The following RGS3 variants were observed in gnomAD, a reference collection of about 807,000 sequenced individuals.
RGS3 encodes regulator of G protein signaling 3, also known as regulator of G-protein signalling 3.
A neutral mutation model predicts 132.6 loss-of-function variants in RGS3; 80 were observed. The ratio of observed to expected loss-of-function variants is 0.60; its 90% CI spans 0.50 to 0.73. The LOEUF (loss-of-function observed/expected upper bound fraction) is 0.73. Ranked by LOEUF, RGS3 falls within the 30% of genes least tolerant of loss-of-function variation. The pLI is 0.00. For missense variants in RGS3, 1,382 were observed against 1,530.8 expected (o/e 0.90, Z 1.62); for synonymous variants, 598 against 620.6 (o/e 0.96, Z 0.54).
At chr9:113,561,586 A>ATTTT (rs1181886025) in intron 19 of RGS3, among the ~76,000 whole-genome samples, 3,600 of 133,220 alleles carry the variant, frequency 0.027, 149 homozygotes, top group African/African-American at 0.092. Context: ...CTAATTTTTA[A>ATTTT]TTTTTTTTTT....
intron 7 of RGS3, among the ~76,000 whole-genome samples, chr9:113,494,658 A>C (rs1374181739): frequency 6.6e-6 from 1 of 152,002 alleles, no homozygotes; most frequent in Non-Finnish European, 1.5e-5. Context: ...TGCTATTTTA[A>C]AAATTTTTTG....
At chr9:113,497,953 C>T (rs1830739699) in intron 9 of RGS3, 72 bp from the exon 8 acceptor site, 5 of 1,517,934 alleles carry the variant, frequency 3.3e-6, no homozygotes, top group South Asian at 2.2e-5. Flanking sequence ...CAGTGCTGTC[C>T]TCTGGGTGGT....
At chr9:113,529,066 C>G (rs1311843388) in intron 17 of RGS3, among the ~76,000 whole-genome samples, 155 bp from the exon 16 acceptor site, 2 of 152,264 alleles carry the variant, frequency 1.3e-5, no homozygotes, top group Non-Finnish European at 2.9e-5. Context: ...GCCAATTTTC[C>G]TCCAGAGACT....
At chr9:113,584,867 C>T (rs760515565) in intron 20 of RGS3, among the ~76,000 whole-genome samples, 24 of 152,282 alleles carry the variant, frequency 1.6e-4, no homozygotes, top group Non-Finnish European at 3.4e-4. Flanking sequence ...ACTCTCACAA[C>T]AGCCCTTTGA....
chr9:113,474,737 G>T (rs1829938514), intron 3 of RGS3, among the ~76,000 whole-genome samples: 1 of 152,204 alleles, frequency 6.6e-6, no homozygotes, highest in Non-Finnish European at 1.5e-5. Flanking sequence ...TAAATGGGCA[G>T]CGGCTTCTGG....
intron 1 of RGS3, among the ~76,000 whole-genome samples, chr9:113,448,906 G>A (rs2119137811): frequency 6.6e-6 from 1 of 152,212 alleles, no homozygotes; most frequent in East Asian, 1.9e-4. Flanking sequence ...GGCAAGTGAA[G>A]ATGTTTGTGG....
intron 3 of RGS3, among the ~76,000 whole-genome samples, chr9:113,466,136 A>G (rs945967570): frequency 3.3e-5 from 5 of 152,254 alleles, no homozygotes; most frequent in African/African-American, 1.2e-4. Context: ...AAGAAGCCAT[A>G]GAGCGTTCAG....
At chr9:113,594,026 G>C (rs1835593362) in intron 21 of RGS3, 3 of 1,613,028 alleles carry the variant, frequency 1.9e-6, no homozygotes, top group Middle Eastern at 3.3e-4. Context: ...CTCCCTCTCA[G>C]GGTTGGCCAG....
At chr9:113,576,353 G>A (rs1483598635) in intron 19 of RGS3, among the ~76,000 whole-genome samples, 1 of 130,014 alleles carries the variant, frequency 7.7e-6, no homozygotes, top group Admixed American at 7.3e-5. Context: ...TTTTTTTTGA[G>A]ACAGAGTCTT....
At chr9:113,561,515 C>T (rs1588252465) in intron 19 of RGS3, among the ~76,000 whole-genome samples, 3 of 151,736 alleles carry the variant, frequency 2.0e-5, no homozygotes, top group South Asian at 2.1e-4. Flanking sequence ...TGGGCTCAAG[C>T]GATCCTCCCA....
chr9:113,583,809 C>G, exon 20 of RGS3: 1 of 1,614,136 alleles, frequency 6.2e-7, no homozygotes, highest in Non-Finnish European at 8.5e-7. Flanking sequence ...TCACCAAAGA[C>G]CTCCCTGCCA....
intron 17 of RGS3, among the ~76,000 whole-genome samples, chr9:113,523,589 G>T (rs532780385): frequency 6.6e-6 from 1 of 152,154 alleles, no homozygotes; most frequent in African/African-American, 2.4e-5. Context: ...AGCCCAAGCC[G>T]CTGGGGCTCA....
chr9:113,519,496 C>G (rs552050438), intron 16 of RGS3, among the ~76,000 whole-genome samples: 2 of 133,492 alleles, frequency 1.5e-5, no homozygotes, highest in South Asian at 4.9e-4. Flanking sequence ...GGCATCCTGT[C>G]ATATTACTCA....
intron 3 of RGS3, among the ~76,000 whole-genome samples, chr9:113,475,563 G>C (rs1162379303): frequency 2.0e-5 from 3 of 151,974 alleles, no homozygotes; most frequent in African/African-American, 7.3e-5. Flanking sequence ...GCACCACGGT[G>C]CCCGGCTATT....
chr9:113,594,710 G>A (rs1342364442), intron 22 of RGS3, among the ~76,000 whole-genome samples, 179 bp downstream of exon 20: 3 of 152,048 alleles, frequency 2.0e-5, no homozygotes, highest in Admixed American at 6.5e-5. Flanking sequence ...GGGAGCAGCT[G>A]CCCTAGGGGG....
chr9:113,459,763 G>A (rs922273872), upstream of RGS3, among the ~76,000 whole-genome samples: 3 of 151,992 alleles, frequency 2.0e-5, no homozygotes, highest in Non-Finnish European at 4.4e-5. Flanking sequence ...AAGAGGCCGG[G>A]CTCAGTGGCT....
intron 19 of RGS3, chr9:113,582,174 C>T: frequency 1.0e-6 from 1 of 985,448 alleles, no homozygotes; most frequent in South Asian, 4.7e-5. Flanking sequence ...TTACAGACTC[C>T]CCAGGGCTTC....
intron 8 of RGS3, 133 bp downstream of exon 6, chr9:113,495,979 G>A (rs886647589): frequency 1.2e-6 from 1 of 809,064 alleles, no homozygotes; most frequent in South Asian, 1.4e-5. Flanking sequence ...GTGCCCTGTG[G>A]GGTGGCCTGC....
intron 1 of RGS3, among the ~76,000 whole-genome samples, chr9:113,451,180 A>G (rs78393818): frequency 6.6e-6 from 1 of 150,758 alleles, no homozygotes; most frequent in Non-Finnish European, 1.5e-5. Flanking sequence ...CTCCGTCTCA[A>G]AAAAAAAGAA....
Sources: allele counts gnomAD v4.1 joint callset (sites outside exome capture counted in the v4.1 genomes callset), GRCh38; gene constraint gnomAD v4.1.1; transcripts MANE v1.5; gene names NCBI Gene and HGNC (gene_info 2026-07-23, HGNC 2026-07-21).